Variants in KANSL2 observed in about 807,000 individuals in gnomAD.
KANSL2 encodes the protein KAT8 regulatory NSL complex subunit 2.
A neutral mutation model predicts 55.6 loss-of-function variants in KANSL2; 34 were observed. That is an observed-to-expected ratio of 0.61 (90% CI 0.46 to 0.81). The LOEUF (loss-of-function observed/expected upper bound fraction) is 0.81. Among genes scored for constraint, KANSL2 ranks in the 40% least tolerant of loss-of-function variants. KANSL2 has a pLI of 0.00. For missense variants in KANSL2, 502 were observed against 609.9 expected, an observed-to-expected ratio of 0.82 and a Z score of 1.86; for synonymous variants, 209 against 214.3, an observed-to-expected ratio of 0.98 and a Z score of 0.22.
At chr12:48,681,312 C>G in intron 2 of KANSL2, 70 bp downstream of exon 2, 1 of 1,510,354 alleles carries the variant, frequency 6.6e-7, no homozygotes, top group Non-Finnish European at 8.9e-7. Context: ...GGCAGCTATG[C>G]TGAAGCCCGC....
intron 8 of KANSL2, among the ~76,000 whole-genome samples, chr12:48,657,525 G>A (rs1939408509): frequency 6.6e-6 from 1 of 152,166 alleles, no homozygotes; most frequent in Non-Finnish European, 1.5e-5. Context: ...GGAAACTTCT[G>A]TACTACCCAC....
chr12:48,673,912 C>T, intron 4 of KANSL2, among the ~76,000 whole-genome samples: 1 of 152,060 alleles, frequency 6.6e-6, no homozygotes, highest in East Asian at 1.9e-4. Context: ...GATGGCGCCA[C>T]TGCACTCCAA....
chr12:48,666,106 C>T (rs951630184), intron 7 of KANSL2, among the ~76,000 whole-genome samples: 1 of 152,082 alleles, frequency 6.6e-6, no homozygotes, highest in Admixed American at 6.6e-5. Context: ...CCCAGCTACT[C>T]TGGTGGCTGA....
rs189318678 is a variant in KANSL2, at chr12:48,663,467, T to C, written c.974-2848A>G. On this transcript the variant is annotated intron_variant, in intron 7 of 9. Coordinates refer to ENST00000420613, the MANE Select transcript of KANSL2 (RefSeq NM_017822.4). ...AATTTTCCTTATTTCCTATTTACAG[T>C]TGACCTTTAACAACACAAGCTTGAA... Among the ~76,000 whole-genome samples, 17 of 152,272 alleles carry C rather than the reference T, an allele frequency of 1.1e-4. No homozygotes were observed. In the East Asian group the frequency reaches 2.9e-3, roughly 26 times the overall value.
rs377194929 is a variant in KANSL2 at position 48,654,429 on chromosome 12, A to G, written c.1348-254T>C. The stretch of plus-strand genomic sequence containing the variant: ...AGCCATTCCCTACTGAGGTCCCAGA[A>G]CAGCCAACAGACCACAGGAAGACAG... On this transcript the variant is annotated intron_variant, in intron 9 of 9. Transcript: ENST00000420613. The G allele has an allele frequency of 2.0e-4, 147 of 721,896 alleles. No individual in the cohort carries two copies. The African/African-American group carries it at 2.5e-3, about 12-fold the overall frequency. The allele number at this position is 721,896 out of a possible 1,614,324, so 44.7% of individuals were successfully genotyped here.
intron 2 of KANSL2, 37 bp from the exon 3 acceptor site, chr12:48,679,870 T>C: frequency 6.6e-7 from 1 of 1,506,304 alleles, no homozygotes; most frequent in Admixed American, 2.1e-5. Context: ...ATAAGTTCCT[T>C]CTTGAAAGCG....
intron 5 of KANSL2, among the ~76,000 whole-genome samples, chr12:48,671,094 C>A (rs553090590): frequency 6.6e-6 from 1 of 151,828 alleles, no homozygotes; most frequent in Non-Finnish European, 1.5e-5. Context: ...GCAAAACCCC[C>A]CCTCTACTAA....
intron 4 of KANSL2, among the ~76,000 whole-genome samples, chr12:48,672,396 TATATATATATAC>T (rs1939734737): frequency 7.3e-6 from 1 of 136,824 alleles, no homozygotes; most frequent in Non-Finnish European, 1.5e-5. Context: ...TATACATGTA[TATATATATATAC>T]GTATATATAT....
chr12:48,654,595 C>T (rs1592094759), intron 9 of KANSL2: 5 of 563,470 alleles, frequency 8.9e-6, no homozygotes, highest in South Asian at 7.6e-5. Flanking sequence ...AGAACAATTT[C>T]AGTGATGAAC....
At chr12:48,679,625 C>T in intron 3 of KANSL2, 30 bp downstream of exon 3, 1 of 1,598,250 alleles carries the variant, frequency 6.3e-7, no homozygotes, top group Non-Finnish European at 8.5e-7. Flanking sequence ...TTTCTTCCTC[C>T]TTTTTCATTC....
chr12:48,660,513 G>A lies in KANSL2; in HGVS notation c.1080C>T (p.Cys360=). 1.9e-6 allele frequency: 3 copies of A among 1,613,682 alleles called. No individual in the cohort carries two copies. The highest frequency in any genetic ancestry group is 2.5e-6 in the Non-Finnish European group (3 of 1,179,762). The change falls in exon 8 of 10, where the codon TGC becomes TGT. Residue 360 remains cysteine (C), a synonymous_variant. Coordinates refer to ENST00000420613, the MANE Select transcript of KANSL2 (RefSeq NM_017822.4). ...GAGGAGGCAACTGGAAATGCAGTGG[G>A]CAGCAGGGATCCTCAGAGAGGCTTA... The part of the protein sequence containing the change: ...VPVSLSEDPC[C]PLHFQLPPQM...
At chr12:48,671,764 C>A (rs370954506) in intron 5 of KANSL2, 35 bp downstream of exon 5, 26 of 1,583,442 alleles carry the variant, frequency 1.6e-5, no homozygotes, top group Non-Finnish European at 2.2e-5. Flanking sequence ...CATGTTAAAC[C>A]CACAACAGCT....
chr12:48,681,517 C>T lies in KANSL2; in HGVS notation c.116G>A (p.Arg39His). 6.2e-7 allele frequency: 1 copy of T among 1,613,940 alleles called. No individual in the cohort carries two copies. Among genetic ancestry groups the T allele is most frequent in the Non-Finnish European group, 8.5e-7 (1 of 1,179,898 alleles). Residue 39 changes from arginine (R) to histidine (H), a missense_variant, in exon 2 of 10, where the codon CGT (arginine) becomes CAT (histidine). Coordinates refer to ENST00000420613, the MANE Select transcript of KANSL2 (RefSeq NM_017822.4). Reference protein sequence around the residue: ...AFTHRPCSHPRLEGQEFCIKH... With the variant: ...AFTHRPCSHPHLEGQEFCIKH... ...AATGCAAAACTCCTGCCCCTCCAGA[C>T]GAGGGTGAGAGCATGGACGATGAGT...
rs1939888951 is a variant in KANSL2 at position 48,679,898 on chromosome 12, T to C, written c.252-65A>G. 5 of 1,267,748 alleles carry C rather than the reference T, an allele frequency of 3.9e-6. No homozygotes were observed. In the East Asian group the frequency reaches 1.0e-4, roughly 26 times the overall value. 78.5% of individuals were successfully genotyped at this position (1,267,748 alleles called of 1,614,324 possible). ...TGAAAGCGTTCAATAATGTTCACAG[T>C]CCCTAATCTTTAAATCATTTTTAGG... On this transcript the variant is annotated intron_variant, in intron 2 of 9. Coordinates refer to ENST00000420613, the MANE Select transcript of KANSL2 (RefSeq NM_017822.4).
rs367863971 is a variant in KANSL2, at chr12:48,654,001, C to T, written c.*43G>A. The T allele has an allele frequency of 1.2e-4, 185 of 1,528,096 alleles. No homozygotes were observed. The highest frequency in any genetic ancestry group is 1.4e-4 in the Non-Finnish European group (165 of 1,138,868). The allele number at this position is 1,528,096 out of a possible 1,614,324, so 94.7% of individuals were successfully genotyped here. A position where few individuals can be genotyped will look rare whatever the true frequency, so the allele number is the denominator to read the frequency against. Reference sequence around the variant, plus strand: ...TGATCAGAAATACTTCTTTGAAGAACGAGAAATTTAAATCCACCAAAGTAA... The same window carrying T: ...TGATCAGAAATACTTCTTTGAAGAATGAGAAATTTAAATCCACCAAAGTAA... On this transcript the variant is annotated 3_prime_UTR_variant, in exon 10 of 10. Transcript: ENST00000420613.
rs1491467617 is a variant in KANSL2, at chr12:48,664,576, CCT to C, written c.973+3115_973+3116del. ...TACAGGCGTGAGCCACCGCACCTGG[CCT>C]TTTTTTTTTTTTTTTTTTTTTGAGA... On this transcript the variant is annotated intron_variant, in intron 7 of 9. Coordinates refer to ENST00000420613, the MANE Select transcript of KANSL2 (RefSeq NM_017822.4). Among the ~76,000 whole-genome samples the C allele has an allele frequency of 1.0e-4, 11 of 108,556 alleles. 1 individual carries two copies. The highest frequency in any genetic ancestry group is 3.0e-4 in the South Asian group (1 of 3,284). The allele number at this position is 108,556 out of a possible 152,430, so 71.2% of individuals were successfully genotyped here. A position where few individuals can be genotyped will look rare whatever the true frequency, so the allele number is the denominator to read the frequency against.
At chr12:48,656,066 G>A (rs1205507905) in intron 8 of KANSL2, among the ~76,000 whole-genome samples, 2 of 152,112 alleles carry the variant, frequency 1.3e-5, no homozygotes, top group African/African-American at 4.8e-5. Context: ...ACAATGCTAC[G>A]TTAAAATTAA....
chr12:48,672,390 C>CGTATATATATATATAT, intron 4 of KANSL2, among the ~76,000 whole-genome samples: 1 of 127,334 alleles, frequency 7.9e-6, no homozygotes, highest in African/African-American at 3.1e-5. Context: ...TATATATATA[C>CGTATATATATATATAT]ATGTATATAT....
At chr12:48,677,275 A>ACTTT (rs1939839803) in intron 4 of KANSL2, among the ~76,000 whole-genome samples, 1 of 152,154 alleles carries the variant, frequency 6.6e-6, no homozygotes, top group Non-Finnish European at 1.5e-5. Flanking sequence ...TCATAAAATG[A>ACTTT]CCTGGTATTT....
Sources: allele counts gnomAD v4.1 joint callset (sites outside exome capture counted in the v4.1 genomes callset), GRCh38; gene constraint gnomAD v4.1.1; transcripts MANE v1.5; gene names NCBI Gene and HGNC (gene_info 2026-07-23, HGNC 2026-07-21).